Variants in PKNOX2 observed in about 807,000 individuals in gnomAD.
PKNOX2 encodes the protein PBX/knotted 1 homeobox 2, also known as homeobox protein PKNOX2.
PKNOX2 carries 14 observed loss-of-function variants against 53.1 expected under a neutral mutation model. That is an observed-to-expected ratio of 0.26 (90% CI 0.17 to 0.41). PKNOX2 has a LOEUF of 0.41. Ranked by LOEUF, PKNOX2 falls within the 10% of genes least tolerant of loss-of-function variation. The pLI is 1.00. For missense variants in PKNOX2, 496 were observed against 602.8 expected (o/e 0.82, Z 1.85); for synonymous variants, 257 against 242.8 (o/e 1.06, Z -0.54).
intron 5 of PKNOX2, among the ~76,000 whole-genome samples, chr11:125,368,835 CTTTAGTTATCATTA>C (rs910615739): frequency 1.3e-5 from 2 of 152,210 alleles, no homozygotes; most frequent in Non-Finnish European, 2.9e-5. Flanking sequence ...CCTACAGGGA[CTTTAGTTATCATTA>C]ACCACTAAGA....
intron 1 of PKNOX2, chr11:125,184,177 G>C (rs1387429349): frequency 6.6e-6 from 1 of 152,270 alleles, no homozygotes; most frequent in Non-Finnish European, 1.5e-5. Context: ...TTACAGGACA[G>C]AGAAGACTCA....
At chr11:125,275,905 G>C (rs999582946) in intron 2 of PKNOX2, among the ~76,000 whole-genome samples, 1 of 152,120 alleles carries the variant, frequency 6.6e-6, no homozygotes, top group Non-Finnish European at 1.5e-5. Context: ...TGTGTAAGAA[G>C]GTCCTTAAAG....
chr11:125,318,485 C>T (rs1288809433), intron 2 of PKNOX2, among the ~76,000 whole-genome samples: 1 of 152,104 alleles, frequency 6.6e-6, no homozygotes, highest in East Asian at 1.9e-4. Flanking sequence ...GAGTTATGGC[C>T]TTGCTCTGGA....
intron 2 of PKNOX2, among the ~76,000 whole-genome samples, chr11:125,250,522 C>T (rs1392859445): frequency 2.0e-5 from 3 of 152,088 alleles, no homozygotes; most frequent in African/African-American, 4.8e-5. Flanking sequence ...TGCTGTGTTG[C>T]GGGAGCTGTG....
chr11:125,249,636 G>A (rs919167373), intron 2 of PKNOX2, among the ~76,000 whole-genome samples: 4 of 152,106 alleles, frequency 2.6e-5, no homozygotes, highest in East Asian at 1.9e-4. Context: ...ACACCATTTC[G>A]TATCACGGAT....
At position 125,308,060 on chromosome 11, in the gene PKNOX2, A is replaced by G. The variant is rs181791448; in HGVS notation, c.-129-23759A>G. Reference sequence around the variant, plus strand: ...AGGCAGTGTGGGCAAAGGCACAGAGATGATTGGAGACGAGAATTTCCCACA... The same window carrying G: ...AGGCAGTGTGGGCAAAGGCACAGAGGTGATTGGAGACGAGAATTTCCCACA... On this transcript the variant is annotated intron_variant, in intron 2 of 12. Transcript: ENST00000298282. Among the ~76,000 whole-genome samples the G allele has an allele frequency of 8.7e-4, 133 of 152,344 alleles. 1 individual carries two copies. Among genetic ancestry groups the G allele is most frequent in the Non-Finnish European group, 1.4e-3 (96 of 68,024 alleles).
chr11:125,180,848 C>G (rs1398010247), intron 1 of PKNOX2, among the ~76,000 whole-genome samples: 1 of 152,184 alleles, frequency 6.6e-6, no homozygotes, highest in Non-Finnish European at 1.5e-5. Context: ...GGCAGACATA[C>G]TTCTCTCCCA....
In PKNOX2 at chr11:125,303,510, G is replaced by T. The variant is rs545429204; in HGVS notation, c.-129-28309G>T. Among the ~76,000 whole-genome samples the T allele has an allele frequency of 2.6e-5, 4 of 152,260 alleles. No homozygotes were observed. The East Asian group carries it at 7.8e-4, about 30-fold the overall frequency. ...TGGATACGTGGATGGTGAGCTCTCT[G>T]GCGCTGCCTGGGCCTCTTTCCCTGT... On this transcript the variant is annotated intron_variant, in intron 2 of 12. Coordinates refer to ENST00000298282, the MANE Select transcript of PKNOX2 (RefSeq NM_001382323.2).
Position 125,430,231 on chromosome 11 carries a change from A to G in PKNOX2, c.1192+90A>G, listed in dbSNP as rs936316657. 6 of 1,445,646 alleles carry G rather than the reference A, an allele frequency of 4.2e-6. No homozygotes were observed. The African/African-American group carries it at 7.1e-5, about 17-fold the overall frequency. The allele number at this position is 1,445,646 out of a possible 1,614,324, so 89.6% of individuals were successfully genotyped here. On this transcript the variant is annotated intron_variant, in intron 12 of 12. Transcript: ENST00000298282. ...CAAGCCGTGCAAAGATTCAAGGGCT[A>G]TCTCCTTACCTGGGCTCCCATCGCT... is the stretch of plus-strand genomic sequence containing the variant.
chr11:125,241,334 C>T (rs118115108), intron 2 of PKNOX2, among the ~76,000 whole-genome samples: 1 of 152,332 alleles, frequency 6.6e-6, no homozygotes, highest in East Asian at 1.9e-4. Flanking sequence ...GGACTATCCT[C>T]AGCCTGGGCG....
At chr11:125,272,586 G>A (rs956052274) in intron 2 of PKNOX2, among the ~76,000 whole-genome samples, 2 of 152,146 alleles carry the variant, frequency 1.3e-5, no homozygotes, top group African/African-American at 2.4e-5. Context: ...CTGTAACATG[G>A]AGGATTTGGG....
intron 7 of PKNOX2, among the ~76,000 whole-genome samples, chr11:125,407,631 T>C (rs1955187451): frequency 6.6e-6 from 1 of 152,036 alleles, no homozygotes; most frequent in Admixed American, 6.6e-5. Context: ...CCTGGTGTGG[T>C]GGCTCACGCC....
At chr11:125,426,459 C>T (rs1956427633) in intron 10 of PKNOX2, among the ~76,000 whole-genome samples, 1 of 152,246 alleles carries the variant, frequency 6.6e-6, no homozygotes, top group African/African-American at 2.4e-5. Flanking sequence ...GGCAGATGCC[C>T]AACAGTTGTG....
At chr11:125,342,168 T>C (rs1311855016) in intron 3 of PKNOX2, among the ~76,000 whole-genome samples, 1 of 151,996 alleles carries the variant, frequency 6.6e-6, no homozygotes, top group Non-Finnish European at 1.5e-5. Context: ...CTCTTGACTT[T>C]TTTTTTTTTT....
At chr11:125,237,619 T>C (rs1348993004) in intron 2 of PKNOX2, among the ~76,000 whole-genome samples, 1 of 152,156 alleles carries the variant, frequency 6.6e-6, no homozygotes, top group Non-Finnish European at 1.5e-5. Flanking sequence ...CTGCCTTAGA[T>C]AAATTAAACT....
At chr11:125,281,246 G>A (rs2135851391) in intron 2 of PKNOX2, among the ~76,000 whole-genome samples, 1 of 152,326 alleles carries the variant, frequency 6.6e-6, no homozygotes, top group African/African-American at 2.4e-5. Context: ...GAACGTATAT[G>A]CGTGGTATGG....
chr11:125,313,852 CAGAG>C (rs1314184283), intron 2 of PKNOX2, among the ~76,000 whole-genome samples: 4 of 152,210 alleles, frequency 2.6e-5, no homozygotes, highest in Admixed American at 2.6e-4. Flanking sequence ...AAAATACAGA[CAGAG>C]AGCATTTCCA....
chr11:125,397,042 C>G (rs949465563), intron 6 of PKNOX2, among the ~76,000 whole-genome samples: 1 of 152,168 alleles, frequency 6.6e-6, no homozygotes, highest in African/African-American at 2.4e-5. Context: ...GCTTTCCATA[C>G]CTTCCATAGT....
At chr11:125,256,426 C>A (rs1309225653) in intron 2 of PKNOX2, among the ~76,000 whole-genome samples, 1 of 152,160 alleles carries the variant, frequency 6.6e-6, no homozygotes, top group Admixed American at 6.5e-5. Flanking sequence ...CACCCTAAAC[C>A]CTGGGCAGGC....
Sources: allele counts gnomAD v4.1 joint callset (sites outside exome capture counted in the v4.1 genomes callset), GRCh38; gene constraint gnomAD v4.1.1; transcripts MANE v1.5; gene names NCBI Gene and HGNC (gene_info 2026-07-23, HGNC 2026-07-21).